The following NUP153 variants were observed in gnomAD, a reference collection of about 807,000 sequenced individuals.
The protein encoded by NUP153 is nuclear pore complex protein Nup153.
A neutral mutation model predicts 134.6 loss-of-function variants in NUP153; 27 were observed. The observed-to-expected ratio is 0.20, with a 90% CI of 0.15 to 0.28. The LOEUF is 0.28. NUP153 is among the 10% of genes least tolerant of loss of function. The pLI, the probability that NUP153 is intolerant of heterozygous loss-of-function variation, is 1.00. For missense variants in NUP153, 1,821 were observed against 1,731.3 expected (o/e 1.05, Z -0.92); for synonymous variants, 640 against 623.5 (o/e 1.03, Z -0.40).
At chr6:17,669,238 C>T (rs930219945) in intron 7 of NUP153, 55 bp downstream of exon 7, 1 of 1,484,324 alleles carries the variant, frequency 6.7e-7, no homozygotes, top group South Asian at 1.2e-5. Flanking sequence ...ACCACCACAC[C>T]CGGCTAATTT....
chr6:17,701,930 G>A (rs1175802909), intron 1 of NUP153, among the ~76,000 whole-genome samples: 1 of 148,386 alleles, frequency 6.7e-6, no homozygotes, highest in African/African-American at 2.5e-5. Context: ...TAAACCAGAA[G>A]ATAAATGTCT....
chr6:17,636,884 A>G (rs1466115643), intron 16 of NUP153, among the ~76,000 whole-genome samples: 3 of 152,220 alleles, frequency 2.0e-5, no homozygotes, highest in Non-Finnish European at 2.9e-5. Context: ...CAGAATCTGT[A>G]TTAGTCAACT....
chr6:17,678,248 T>A (rs958044723), intron 2 of NUP153, among the ~76,000 whole-genome samples: 14 of 147,866 alleles, frequency 9.5e-5, no homozygotes, highest in African/African-American at 3.5e-4. Context: ...TCCAGCTACC[T>A]GGGAGGCTGA....
chr6:17,682,678 G>A (rs1470571658), intron 2 of NUP153, among the ~76,000 whole-genome samples: 1 of 152,034 alleles, frequency 6.6e-6, no homozygotes, highest in African/African-American at 2.4e-5. Flanking sequence ...CAGCACTTCG[G>A]GAGGCTGAGG....
chr6:17,646,686 T>C (rs1350248709), intron 13 of NUP153, among the ~76,000 whole-genome samples: 1 of 152,054 alleles, frequency 6.6e-6, no homozygotes, highest in African/African-American at 2.4e-5. Context: ...GTATATAAAA[T>C]AATGATGGTG....
rs146343288 is a variant in NUP153 at position 17,689,625 on chromosome 6, C to G, written c.112-1007G>C. On this transcript the variant is annotated intron_variant, in intron 1 of 21. Coordinates refer to ENST00000262077, the MANE Select transcript of NUP153 (RefSeq NM_005124.4). ...GATCTCGGCTCACCACAACCTCCGC[C>G]TCCTGGGTTCAATGGATTCTCCTGC... Among the ~76,000 whole-genome samples the G allele has an allele frequency of 3.9e-3, 594 of 151,722 alleles. 9 individuals carry two copies. In the East Asian group the frequency reaches 0.069, roughly 18 times the overall value.
At position 17,626,102 on chromosome 6, in the gene NUP153, G is replaced by A; in HGVS notation, c.3607C>T (p.Pro1203Ser). 6.2e-7 allele frequency: 1 copy of A among 1,613,802 alleles called. No individual in the cohort carries two copies. The highest frequency in any genetic ancestry group is 8.5e-7 in the Non-Finnish European group (1 of 1,180,028). ...LNNSSSSSST[P>S]ATSAGGGIFG... is the part of the protein sequence containing the mutation. ...ATGCCACCACCAGCAGAAGTGGCTG[G>A]TGTACTTGAACTAGAGGAACTGTTG... Residue 1203 changes from proline (P) to serine (S), a missense_variant, in exon 19 of 22, where the codon CCA becomes TCA. Physicochemically the swap from Pro to Ser is moderately conservative, Grantham distance 74 (BLOSUM62 -1). Coordinates refer to ENST00000262077, the MANE Select transcript of NUP153 (RefSeq NM_005124.4).
chr6:17,700,809 TAAAAAC>T (rs1243436217), intron 1 of NUP153, among the ~76,000 whole-genome samples: 3 of 152,200 alleles, frequency 2.0e-5, no homozygotes, highest in Non-Finnish European at 4.4e-5. Flanking sequence ...AAAGGACTTT[TAAAAAC>T]AAAACAAAGG....
rs549187582 is a variant in NUP153 at position 17,629,530 on chromosome 6, G to A, written c.2669C>T (p.Thr890Ile). 14 of 1,590,982 alleles carry A rather than the reference G, an allele frequency of 8.8e-6. No homozygotes were observed. Among genetic ancestry groups the A allele is most frequent in the Non-Finnish European group, 1.1e-5 (13 of 1,173,362 alleles). The change falls in exon 18 of 22, where the codon ACA (threonine) becomes ATA (isoleucine). Residue 890 changes from threonine (T) to isoleucine (I), a missense_variant. Transcript: ENST00000262077. ...GTKSGFKGFD[T>I]SSSSSNSAAS... is the part of the protein sequence containing the mutation. ...TGCTGAGTTCGAAGATGAGGAAGAT[G>A]TGTCAAAGCCTACAAAAATATAAAA...
At chr6:17,678,992 A>G (rs1356485609) in intron 2 of NUP153, among the ~76,000 whole-genome samples, 2 of 152,150 alleles carry the variant, frequency 1.3e-5, no homozygotes, top group African/African-American at 4.8e-5. Flanking sequence ...TTACAGCTTA[A>G]GCAATACAAA....
intron 15 of NUP153, among the ~76,000 whole-genome samples, chr6:17,639,208 G>A (rs760505036): frequency 1.3e-5 from 2 of 151,828 alleles, no homozygotes; most frequent in Non-Finnish European, 2.9e-5. Flanking sequence ...CTCCCGAGTA[G>A]CTGGAACTAC....
intron 11 of NUP153, among the ~76,000 whole-genome samples, chr6:17,656,062 G>A (rs1347119887): frequency 6.6e-6 from 1 of 152,026 alleles, no homozygotes; most frequent in Non-Finnish European, 1.5e-5. Flanking sequence ...AAATTTAGCT[G>A]GGCATGGTGG....
Position 17,706,182 on chromosome 6 carries a change from T to C in NUP153, c.111+95A>G, listed in dbSNP as rs1581797727. 4.0e-6 allele frequency: 4 copies of C among 1,000,998 alleles called. No homozygotes were observed. Among genetic ancestry groups the C allele is most frequent in the South Asian group, 1.3e-5 (1 of 75,770 alleles). 62.0% of individuals were successfully genotyped at this position (1,000,998 alleles called of 1,614,324 possible). On this transcript the variant is annotated intron_variant, in intron 1 of 21. Coordinates refer to ENST00000262077, the MANE Select transcript of NUP153 (RefSeq NM_005124.4). This position sits in a 1 kb window ranked among gnomAD's most constrained non-coding sequence, Gnocchi z 5.9. The stretch of plus-strand genomic sequence containing the variant: ...TCGGGCCTTTCCTCAGGCCCTCCTG[T>C]CTGCTCCACGTGGGGCGCCGGGGCC...
At chr6:17,682,108 A>G (rs565859740) in intron 2 of NUP153, among the ~76,000 whole-genome samples, 1 of 152,256 alleles carries the variant, frequency 6.6e-6, no homozygotes, top group African/African-American at 2.4e-5. Context: ...TACCTGGGAG[A>G]GTGAGGAGGA....
intron 16 of NUP153, among the ~76,000 whole-genome samples, chr6:17,634,873 C>T (rs891706658): frequency 2.6e-4 from 39 of 152,002 alleles, no homozygotes; most frequent in African/African-American, 8.5e-4. Context: ...GTGGTCCAAT[C>T]TTTTGGCTTC....
Position 17,665,234 on chromosome 6 carries a change from C to A in NUP153, c.1215+5G>T, listed in dbSNP as rs1250982532. 6.3e-7 allele frequency: 1 copy of A among 1,592,360 alleles called. No individual in the cohort carries two copies. Among genetic ancestry groups the A allele is most frequent in the Admixed American group, 1.7e-5 (1 of 59,800 alleles). On this transcript the variant is annotated splice_donor_5th_base_variant and intron_variant, in intron 9 of 21. Coordinates refer to ENST00000262077, the MANE Select transcript of NUP153 (RefSeq NM_005124.4). ...AAAGACTGGTAGAAATATACATATA[C>A]TCACACTGCACTTGTTATCTATTCT...
intron 12 of NUP153, 102 bp downstream of exon 12, chr6:17,649,061 T>G: frequency 2.8e-6 from 3 of 1,086,364 alleles, no homozygotes; most frequent in South Asian, 1.8e-5. Context: ...TGTTATTAAT[T>G]TCCATAATGA....
chr6:17,623,211 G>C (rs779014796), intron 20 of NUP153, among the ~76,000 whole-genome samples: 1 of 151,346 alleles, frequency 6.6e-6, no homozygotes, highest in Non-Finnish European at 1.5e-5. Flanking sequence ...TTTCATATTA[G>C]AGGAAAAAAT....
At chr6:17,648,474 G>A (rs567758295) in intron 12 of NUP153, among the ~76,000 whole-genome samples, 78 of 152,088 alleles carry the variant, frequency 5.1e-4, no homozygotes, top group African/African-American at 1.7e-3. Context: ...AAAATTAGCC[G>A]GGCATGGTGG....
Sources: allele counts gnomAD v4.1 joint callset (sites outside exome capture counted in the v4.1 genomes callset), GRCh38; gene constraint gnomAD v4.1.1; non-coding constraint Gnocchi (gnomAD v3.1); transcripts MANE v1.5; gene names NCBI Gene and HGNC (gene_info 2026-07-23, HGNC 2026-07-21).